Variants in CTPS2 observed in about 807,000 individuals in gnomAD.
CTPS2 encodes the protein CTP synthase II.
Under a neutral mutation model 46.8 loss-of-function variants are expected in CTPS2, and 19 were observed. The observed-to-expected ratio is 0.41, with a 90% CI of 0.28 to 0.60. The LOEUF (loss-of-function observed/expected upper bound fraction) is 0.60. CTPS2 is among the 20% of genes least tolerant of loss of function. CTPS2 has a pLI of 0.35. For missense variants in CTPS2, 286 were observed against 447.6 expected (o/e 0.64, Z 3.26); for synonymous variants, 151 against 165.2 (o/e 0.91, Z 0.66).
intron 14 of CTPS2, among the ~76,000 whole-genome samples, chrX:16,634,871 C>T (rs1005440577): frequency 9.2e-6 from 1 of 109,035 alleles, no homozygotes; most frequent in African/African-American, 3.3e-5. Flanking sequence ...ATCGGTTGAA[C>T]CTGGGAGGCG....
chrX:16,633,596 T>C (rs1931596537), intron 14 of CTPS2, among the ~76,000 whole-genome samples: 1 of 112,089 alleles, frequency 8.9e-6, no homozygotes, highest in Admixed American at 9.5e-5. Context: ...ATTTACTAAC[T>C]GGCCCTTTAT....
chrX:16,679,891 GCCA>G (rs1187873692), intron 9 of CTPS2, among the ~76,000 whole-genome samples: 1 of 111,546 alleles, frequency 9.0e-6, no homozygotes, highest in African/African-American at 3.3e-5. Context: ...TTGTTTGTAA[GCCA>G]CCTGGTCTAT....
At chrX:16,610,432 C>A (rs1930204209) in intron 16 of CTPS2, among the ~76,000 whole-genome samples, 1 of 111,063 alleles carries the variant, frequency 9.0e-6, no homozygotes, top group Admixed American at 9.7e-5. Flanking sequence ...CAGCAAAGAT[C>A]CAAAGCTACT....
intron 14 of CTPS2, among the ~76,000 whole-genome samples, chrX:16,633,084 G>GT (rs11287714): frequency 3.0e-3 from 234 of 77,114 alleles, no homozygotes; most frequent in Middle Eastern, 0.013. Context: ...CTTTTCTTTT[G>GT]TTTTTTTTTT....
intron 4 of CTPS2, among the ~76,000 whole-genome samples, chrX:16,697,293 G>A (rs1300897715): frequency 9.1e-6 from 1 of 110,389 alleles, no homozygotes; most frequent in Non-Finnish European, 1.9e-5. Context: ...AACCAAATTG[G>A]TCATTATTCT....
chrX:16,674,635 G>C (rs747414825), intron 10 of CTPS2, among the ~76,000 whole-genome samples: 10 of 104,492 alleles, frequency 9.6e-5, no homozygotes, highest in Non-Finnish European at 1.6e-4. Context: ...TCAGGAGATC[G>C]AGACCATCCT....
At chrX:16,702,997 C>G in intron 1 of CTPS2, 56 bp from the exon 2 acceptor site, 2 of 759,584 alleles carry the variant, frequency 2.6e-6, no homozygotes, top group Non-Finnish European at 3.8e-6. Flanking sequence ...ACTAGTAAAG[C>G]AGACAGTGTA....
At chrX:16,615,340 A>C (rs906360877) in intron 16 of CTPS2, among the ~76,000 whole-genome samples, 4 of 111,077 alleles carry the variant, frequency 3.6e-5, no homozygotes, top group African/African-American at 6.5e-5. Flanking sequence ...CCCTGTCTCA[A>C]AAAAAATAAA....
chrX:16,708,071 A>C (rs1322566201), intron 1 of CTPS2, among the ~76,000 whole-genome samples: 3 of 112,385 alleles, frequency 2.7e-5, no homozygotes, highest in Non-Finnish European at 5.6e-5. Flanking sequence ...GTAATTTCAC[A>C]ATTTTTTTAC....
intron 13 of CTPS2, among the ~76,000 whole-genome samples, chrX:16,645,995 A>T (rs1932300565): frequency 8.9e-6 from 1 of 112,846 alleles, no homozygotes; most frequent in South Asian, 3.7e-4. Context: ...CTGTGAGGAA[A>T]TAAATTTCTC....
chrX:16,651,199 G>C lies in CTPS2; in HGVS notation c.1297-11956C>G. The C allele has an allele frequency of 2.2e-5, 8 of 360,466 alleles. 1 individual carries two copies. Among genetic ancestry groups the C allele is most frequent in the Non-Finnish European group, 4.4e-5 (8 of 181,562 alleles). The allele number at this position is 360,466 out of a possible 1,213,427, so 29.7% of individuals were successfully genotyped here. On this transcript the variant is annotated intron_variant, in intron 13 of 18. Transcript: ENST00000359276. ...GACTGATGGTGGGAGGGGAGGGAGG[G>C]AGGGGAGAGGACTCCGGTAGAGCCT...
At chrX:16,670,141 G>A (rs766864963) in intron 11 of CTPS2, among the ~76,000 whole-genome samples, 24 of 111,256 alleles carry the variant, frequency 2.2e-4, no homozygotes, top group African/African-American at 7.5e-4. Flanking sequence ...TCTGGAGACT[G>A]AGGTGGGAAT....
intron 17 of CTPS2, among the ~76,000 whole-genome samples, chrX:16,593,129 A>T (rs777144787): frequency 1.9e-4 from 21 of 111,973 alleles, no homozygotes; most frequent in Non-Finnish European, 3.9e-4. Context: ...GATTTATAGC[A>T]ATAAAAGTCT....
Position 16,620,335 on chromosome X carries a change from G to A in CTPS2, c.1394-3C>T, listed in dbSNP as rs751316745. 1 of 1,186,181 alleles carries A rather than the reference G, an allele frequency of 8.4e-7. No individual in the cohort carries two copies. The stretch of plus-strand genomic sequence containing the variant: ...AGGAACATCACCATAAAGTTTCCCT[G>A]TAAAGATACAAGAGCGAGATTAATA... On this transcript the variant is annotated splice_polypyrimidine_tract_variant and splice_region_variant and intron_variant, in intron 14 of 18. Coordinates refer to ENST00000359276, the MANE Select transcript of CTPS2 (RefSeq NM_175859.3).
At chrX:16,592,076 C>CTT (rs113968510) in intron 17 of CTPS2, among the ~76,000 whole-genome samples, 1 of 103,487 alleles carries the variant, frequency 9.7e-6, no homozygotes, top group Admixed American at 1.0e-4. Context: ...TTCTCTGTCT[C>CTT]TTTTTTTTTT....
At chrX:16,668,432 A>T (rs1280457139) in intron 11 of CTPS2, among the ~76,000 whole-genome samples, 2 of 105,222 alleles carry the variant, frequency 1.9e-5, no homozygotes, top group Non-Finnish European at 3.9e-5. Context: ...AATACAAAAA[A>T]AAATTAGCCA....
chrX:16,601,816 C>A (rs1472926673), intron 17 of CTPS2, among the ~76,000 whole-genome samples: 2 of 112,041 alleles, frequency 1.8e-5, no homozygotes, highest in African/African-American at 6.5e-5. Flanking sequence ...GAAACTTAAT[C>A]TTCATTTCTG....
intron 17 of CTPS2, among the ~76,000 whole-genome samples, chrX:16,593,989 G>A (rs1399736229): frequency 5.4e-5 from 6 of 111,536 alleles, no homozygotes; most frequent in Non-Finnish European, 9.4e-5. Context: ...TTGTGTCATA[G>A]AATTAGCCAA....
At position 16,609,704 on chromosome X, in the gene CTPS2, C is replaced by T. The variant is rs775275787; in HGVS notation, c.1547-19G>A. On this transcript the variant is annotated intron_variant, in intron 16 of 18. Coordinates refer to ENST00000359276, the MANE Select transcript of CTPS2 (RefSeq NM_175859.3). ...GGATGATCTGAAATGAGAACAATCACGATGCGATTAAAGCAGACAAACAGG... is the reference window on the plus strand; with the variant it reads ...GGATGATCTGAAATGAGAACAATCATGATGCGATTAAAGCAGACAAACAGG... The T allele has an allele frequency of 2.1e-5, 25 of 1,192,697 alleles. No homozygotes were observed. In the South Asian group the frequency reaches 2.6e-4, roughly 12 times the overall value.
Sources: gnomAD v4.1 joint callset for allele counts (sites outside exome capture counted in the v4.1 genomes callset) on GRCh38, gnomAD v4.1.1 for gene constraint, MANE v1.5 for transcripts, NCBI Gene and HGNC (gene_info 2026-07-23, HGNC 2026-07-21) for gene names.